EYA2: variants seen among roughly 807,000 people sequenced by gnomAD.
EYA2 encodes protein phosphatase EYA2.
Under a neutral mutation model 69.2 loss-of-function variants are expected in EYA2, and 31 were observed. The ratio of observed to expected loss-of-function variants is 0.45; its 90% CI spans 0.34 to 0.60. The LOEUF is 0.60. Ranked by LOEUF, EYA2 falls within the 20% of genes least tolerant of loss-of-function variation. The pLI is 0.02. For synonymous variants in EYA2, 257 were observed against 279.4 expected (o/e 0.92, Z 0.80); for missense variants, 622 against 701.2 (o/e 0.89, Z 1.28).
chr20:47,163,179 G>T (rs1001974426), intron 10 of EYA2, among the ~76,000 whole-genome samples: 1 of 151,940 alleles, frequency 6.6e-6, no homozygotes, highest in Non-Finnish European at 1.5e-5. Context: ...ACAGGTGTAT[G>T]CCACCATGCC....
intron 1 of EYA2, among the ~76,000 whole-genome samples, chr20:46,966,103 A>G (rs1979761773): frequency 6.6e-6 from 1 of 152,214 alleles, no homozygotes; most frequent in African/African-American, 2.4e-5. Context: ...AACAACCAGG[A>G]TATGAACGAG....
chr20:46,906,673 T>C (rs1273656685), intron 1 of EYA2, among the ~76,000 whole-genome samples: 2 of 152,152 alleles, frequency 1.3e-5, no homozygotes, highest in African/African-American at 4.8e-5. Flanking sequence ...CCAGTTTAAG[T>C]GAGAAAAGTA....
At chr20:47,092,696 T>G (rs745831976) in intron 8 of EYA2, among the ~76,000 whole-genome samples, 1 of 152,126 alleles carries the variant, frequency 6.6e-6, no homozygotes, top group East Asian at 1.9e-4. Flanking sequence ...TAGGGTGATA[T>G]TATTCTGGAA....
intron 1 of EYA2, among the ~76,000 whole-genome samples, chr20:46,965,443 G>A (rs1979716196): frequency 6.6e-6 from 1 of 152,226 alleles, no homozygotes; most frequent in Non-Finnish European, 1.5e-5. Flanking sequence ...GCACCCCAGG[G>A]CACAGAGACC....
At chr20:47,036,351 T>C (rs1250784716) in intron 5 of EYA2, among the ~76,000 whole-genome samples, 2 of 152,150 alleles carry the variant, frequency 1.3e-5, no homozygotes, top group East Asian at 3.8e-4. Flanking sequence ...ATGAACAAAG[T>C]ATCAAATTTT....
rs189892321 is a variant in EYA2, at chr20:47,009,192, C to T, written c.298+4108C>T. On this transcript the variant is annotated intron_variant, in intron 4 of 15. Coordinates refer to ENST00000327619, the MANE Select transcript of EYA2 (RefSeq NM_005244.5). ...AGGCTGCCACACACACACGCGTGCA[C>T]GCACACACACATACACACACACAGA... is the stretch of plus-strand genomic sequence containing the variant. Among the ~76,000 whole-genome samples the T allele has an allele frequency of 1.4e-4, 21 of 152,304 alleles. No individual in the cohort carries two copies. In the East Asian group the frequency reaches 1.7e-3, roughly 13 times the overall value.
rs77296427 is a variant in EYA2, at chr20:46,954,255, C to T, written c.-10-35746C>T. 3.2e-4 allele frequency among the ~76,000 whole-genome samples: 49 copies of T among 152,280 alleles called. No homozygotes were observed. In the East Asian group the frequency reaches 8.9e-3, roughly 28 times the overall value. On this transcript the variant is annotated intron_variant, in intron 1 of 15. Transcript: ENST00000327619. ...GTCACCCCTACTAGAGCATCATCTC[C>T]AGGGGGACTGAGACATTGTTTAATT...
chr20:47,108,124 T>G (rs1433592215), intron 9 of EYA2, among the ~76,000 whole-genome samples: 1 of 152,156 alleles, frequency 6.6e-6, no homozygotes, highest in African/African-American at 2.4e-5. Context: ...CTGCCCTGGT[T>G]TCAGTATGGT....
At chr20:46,956,900 A>G (rs888516613) in intron 1 of EYA2, among the ~76,000 whole-genome samples, 5 of 152,210 alleles carry the variant, frequency 3.3e-5, no homozygotes, top group African/African-American at 1.2e-4. Flanking sequence ...TGTGCAGGGA[A>G]ACTCTGCTTT....
intron 1 of EYA2, among the ~76,000 whole-genome samples, chr20:46,943,480 G>A (rs894306073): frequency 2.0e-5 from 3 of 152,174 alleles, no homozygotes; most frequent in Admixed American, 6.5e-5. Flanking sequence ...TGAGAAATAC[G>A]CCAGCCTGAG....
chr20:47,091,348 T>C (rs2032078580), intron 8 of EYA2, among the ~76,000 whole-genome samples: 1 of 152,110 alleles, frequency 6.6e-6, no homozygotes, highest in Non-Finnish European at 1.5e-5. Context: ...GTCCAGCCAC[T>C]CTCTGGTGTT....
rs573179947 is a variant in EYA2 at position 46,973,766 on chromosome 20, A to G, written c.-10-16235A>G. 2.8e-4 allele frequency among the ~76,000 whole-genome samples: 42 copies of G among 151,840 alleles called. 1 individual carries two copies. Among genetic ancestry groups the G allele is most frequent in the East Asian group, 7.8e-4 (4 of 5,150 alleles). The stretch of plus-strand genomic sequence containing the variant: ...TTTCATTAAAAAAACTTCTAGCCCC[A>G]CTATGAAGCCGTCTGACCAAAAGAG... On this transcript the variant is annotated intron_variant, in intron 1 of 15. Transcript: ENST00000327619.
intron 1 of EYA2, chr20:46,901,641 C>G (rs1401869101): frequency 6.6e-6 from 1 of 152,162 alleles, no homozygotes; most frequent in African/African-American, 2.4e-5. Flanking sequence ...TCAGGGTGTT[C>G]TAGAAACATT....
At chr20:47,173,509 T>TAA (rs767756028) in intron 12 of EYA2, among the ~76,000 whole-genome samples, 10,164 of 83,454 alleles carry the variant, frequency 0.12, 1,113 homozygotes, top group African/African-American at 0.18. Flanking sequence ...TGAGACCCCG[T>TAA]AAAAAAAAAA....
rs1264883844 is a variant in EYA2 at position 47,148,058 on chromosome 20, C to CAAAAAAAAAAAA, written c.978+4914_978+4925dup. 2.4e-4 allele frequency among the ~76,000 whole-genome samples: 20 copies of CAAAAAAAAAAAA among 82,832 alleles called. 2 individuals carry two copies. Among genetic ancestry groups the CAAAAAAAAAAAA allele is most frequent in the African/African-American group, 8.3e-4 (17 of 20,604 alleles). 54.3% of individuals were successfully genotyped at this position (82,832 alleles called of 152,430 possible). A position where few individuals can be genotyped will look rare whatever the true frequency, so the allele number is the denominator to read the frequency against. On this transcript the variant is annotated intron_variant, in intron 10 of 15. Coordinates refer to ENST00000327619, the MANE Select transcript of EYA2 (RefSeq NM_005244.5). Reference sequence around the variant, plus strand: ...TGGGCGACAGAGCAAGACTCTGTCTCAAAAAAAAAAAAAAAGAATAAAAAA... The same window carrying CAAAAAAAAAAAA: ...TGGGCGACAGAGCAAGACTCTGTCTCAAAAAAAAAAAAAAAAAAAAAAAAAAAGAATAAAAAA...
rs149695392 is a variant in EYA2 at position 46,910,728 on chromosome 20, G to A, written c.-11+15741G>A. On this transcript the variant is annotated intron_variant, in intron 1 of 15. Coordinates refer to ENST00000327619, the MANE Select transcript of EYA2 (RefSeq NM_005244.5). Reference sequence around the variant, plus strand: ...CATCTAGGGGCATGGCAGTAACATCGGGTACACACAGAGGTTGCACACTGG... The same window carrying A: ...CATCTAGGGGCATGGCAGTAACATCAGGTACACACAGAGGTTGCACACTGG... Among the ~76,000 whole-genome samples, 74 of 152,232 alleles carry A rather than the reference G, an allele frequency of 4.9e-4. 1 individual carries two copies. Among genetic ancestry groups the A allele is most frequent in the African/African-American group, 1.7e-3 (70 of 41,532 alleles).
chr20:46,918,109 A>G (rs771382871), intron 1 of EYA2, among the ~76,000 whole-genome samples: 8 of 152,242 alleles, frequency 5.3e-5, no homozygotes, highest in Non-Finnish European at 1.0e-4. Context: ...TCCTGAGGTC[A>G]GGAGATCGAG....
chr20:47,143,609 G>A (rs1179324014), intron 10 of EYA2, among the ~76,000 whole-genome samples: 2 of 152,252 alleles, frequency 1.3e-5, no homozygotes, highest in Admixed American at 6.5e-5. Flanking sequence ...GAGTGAGAGT[G>A]AGCAGAGGGA....
intron 1 of EYA2, among the ~76,000 whole-genome samples, chr20:46,983,094 G>A (rs1980944346): frequency 1.3e-5 from 2 of 151,972 alleles, no homozygotes; most frequent in Non-Finnish European, 2.9e-5. Flanking sequence ...TTTTTAAAGA[G>A]CCTAGATTTT....
Sources: allele counts gnomAD v4.1 joint callset (sites outside exome capture counted in the v4.1 genomes callset), GRCh38; gene constraint gnomAD v4.1.1; transcripts MANE v1.5; gene names NCBI Gene and HGNC (gene_info 2026-07-23, HGNC 2026-07-21).